Variants in GREM2 observed in about 807,000 individuals in gnomAD.
The protein encoded by GREM2 is gremlin 2, DAN family BMP antagonist.
In GREM2, 11 loss-of-function variants were observed where a neutral mutation model predicts 14.2. The ratio of observed to expected loss-of-function variants is 0.78; its 90% confidence interval spans 0.49 to 1.28. GREM2 has a LOEUF of 1.28. Among genes scored for constraint, GREM2 ranks in the 50% most tolerant of loss-of-function variants. GREM2 has a pLI of 0.00. For missense variants in GREM2, 210 were observed against 218.5 expected (o/e 0.96, Z 0.24); for synonymous variants, 98 against 97.6 (o/e 1.00, Z -0.02).
At chr1:240,524,538 C>A (rs1159458481) in intron 1 of GREM2, among the ~76,000 whole-genome samples, 1 of 152,146 alleles carries the variant, frequency 6.6e-6, no homozygotes, top group Non-Finnish European at 1.5e-5. Context: ...GGACAACTGA[C>A]AAGTAATCTG....
intron 1 of GREM2, among the ~76,000 whole-genome samples, chr1:240,506,692 C>T (rs1449187100): frequency 6.6e-6 from 1 of 152,174 alleles, no homozygotes; most frequent in Admixed American, 6.5e-5. Context: ...AAGTTGTGCA[C>T]ATTAATTTAT....
At chr1:240,594,923 A>G (rs1033139575) in intron 1 of GREM2, among the ~76,000 whole-genome samples, 7 of 152,180 alleles carry the variant, frequency 4.6e-5, no homozygotes, top group Admixed American at 6.5e-5. Context: ...AAAGAAATAA[A>G]CACAGTGATA....
chr1:240,516,526 G>C (rs945378862), intron 1 of GREM2, among the ~76,000 whole-genome samples: 1 of 152,088 alleles, frequency 6.6e-6, no homozygotes, highest in African/African-American at 2.4e-5. Flanking sequence ...GCATTTATGA[G>C]GATATCTTAA....
intron 1 of GREM2, among the ~76,000 whole-genome samples, chr1:240,511,738 C>T (rs768283648): frequency 3.3e-5 from 5 of 152,030 alleles, no homozygotes; most frequent in African/African-American, 7.3e-5. Flanking sequence ...GCAGCCTGGG[C>T]GACAAGAGCG....
intron 1 of GREM2, among the ~76,000 whole-genome samples, chr1:240,570,471 C>CA (rs1031794213): frequency 2.0e-5 from 3 of 151,936 alleles, no homozygotes; most frequent in Non-Finnish European, 2.9e-5. Context: ...AAACAAAAAA[C>CA]AAAAAAACCC....
chr1:240,608,594 C>T (rs953192488), intron 1 of GREM2, among the ~76,000 whole-genome samples: 9 of 152,262 alleles, frequency 5.9e-5, no homozygotes, highest in South Asian at 2.1e-4. Flanking sequence ...TTGTTCTAGA[C>T]GAAGTCAACT....
intron 1 of GREM2, among the ~76,000 whole-genome samples, chr1:240,520,552 C>CT (rs983450712): frequency 7.9e-5 from 12 of 151,030 alleles, no homozygotes; most frequent in Non-Finnish European, 1.3e-4. Context: ...GAAACTTTTT[C>CT]TTTTTTTTTG....
intron 1 of GREM2, among the ~76,000 whole-genome samples, chr1:240,534,097 A>G (rs1369397730): frequency 6.6e-6 from 1 of 152,174 alleles, no homozygotes; most frequent in African/African-American, 2.4e-5. Context: ...GCTTAACCTT[A>G]TGGTGTTGAA....
At chr1:240,562,950 G>A (rs1158646080) in intron 1 of GREM2, among the ~76,000 whole-genome samples, 2 of 139,136 alleles carry the variant, frequency 1.4e-5, no homozygotes, top group Non-Finnish European at 3.0e-5. Context: ...GTGTGAGTGT[G>A]TATGTGTGTG....
At chr1:240,597,656 C>T (rs74149174) in intron 1 of GREM2, among the ~76,000 whole-genome samples, 3,627 of 152,256 alleles carry the variant, frequency 0.024, 133 homozygotes, top group African/African-American at 0.083. Flanking sequence ...ATTCCCAATG[C>T]TTGGCACATT....
At chr1:240,577,538 C>T (rs1679396438) in intron 1 of GREM2, among the ~76,000 whole-genome samples, 1 of 152,120 alleles carries the variant, frequency 6.6e-6, no homozygotes, top group Non-Finnish European at 1.5e-5. Context: ...TGATTGATGA[C>T]GGGAGGTGGG....
chr1:240,577,477 T>G (rs950404985), intron 1 of GREM2, among the ~76,000 whole-genome samples: 24 of 152,196 alleles, frequency 1.6e-4, no homozygotes, highest in African/African-American at 5.8e-4. Context: ...TCAGTTTGGG[T>G]TCTCACCATT....
intron 1 of GREM2, among the ~76,000 whole-genome samples, chr1:240,520,233 C>T (rs923290199): frequency 1.3e-5 from 2 of 152,054 alleles, no homozygotes; most frequent in African/African-American, 2.4e-5. Context: ...GGTCAATTAC[C>T]CTAATTTGCT....
chr1:240,499,930 TTGCTAAGTCC>T (rs1677528845), intron 1 of GREM2, among the ~76,000 whole-genome samples: 1 of 152,200 alleles, frequency 6.6e-6, no homozygotes, highest in Non-Finnish European at 1.5e-5. Flanking sequence ...CAGAAACACT[TTGCTAAGTCC>T]TGCTCCAAAC....
At chr1:240,548,435 T>C (rs762169619) in intron 1 of GREM2, among the ~76,000 whole-genome samples, 13 of 152,238 alleles carry the variant, frequency 8.5e-5, no homozygotes, top group Non-Finnish European at 1.9e-4. Context: ...CTTAGAACTT[T>C]TGCACATAGT....
At chr1:240,537,830 A>G (rs1211888258) in intron 1 of GREM2, among the ~76,000 whole-genome samples, 1 of 152,176 alleles carries the variant, frequency 6.6e-6, no homozygotes, top group Non-Finnish European at 1.5e-5. Context: ...AGCCCTGCAA[A>G]AAGTGAAGGT....
chr1:240,510,454 T>C (rs1677799116), intron 1 of GREM2, among the ~76,000 whole-genome samples: 2 of 147,390 alleles, frequency 1.4e-5, no homozygotes, highest in Admixed American at 1.3e-4. Flanking sequence ...GACTGCTGGT[T>C]GCCAGGGGCT....
chr1:240,542,789 A>G lies in GREM2; in HGVS notation c.-1-49313T>C, dbSNP rs953563791. ...AGCTTATCTGCAATAAAACTTTGCT[A>G]TGCTTCTGATTTGAGACAAAGATAC... is the stretch of plus-strand genomic sequence containing the variant. On this transcript the variant is annotated intron_variant, in intron 1 of 1. Transcript: ENST00000318160. This position sits in a 1 kb window ranked among gnomAD's most constrained non-coding sequence, Gnocchi z 4.1. 2.6e-5 allele frequency among the ~76,000 whole-genome samples: 4 copies of G among 152,124 alleles called. No individual in the cohort carries two copies. The highest frequency in any genetic ancestry group is 1.3e-4 in the Admixed American group (2 of 15,254).
intron 1 of GREM2, among the ~76,000 whole-genome samples, chr1:240,495,314 T>C (rs73132211): frequency 0.034 from 5,113 of 152,282 alleles, 306 homozygotes; most frequent in African/African-American, 0.12. Context: ...TTTTAACATG[T>C]ATACCCTAAA....
Sources: allele counts gnomAD v4.1 joint callset (sites outside exome capture counted in the v4.1 genomes callset), GRCh38; gene constraint gnomAD v4.1.1; non-coding constraint Gnocchi (gnomAD v3.1); transcripts MANE v1.5; gene names NCBI Gene and HGNC (gene_info 2026-07-23, HGNC 2026-07-21).